The following CHKA variants were observed in gnomAD, a reference collection of about 807,000 sequenced individuals.
CHKA encodes the protein choline kinase alpha.
In CHKA, 34 loss-of-function variants were observed where a neutral mutation model predicts 60.1. That is an observed-to-expected ratio of 0.57 (90% CI 0.43 to 0.75). The LOEUF (loss-of-function observed/expected upper bound fraction) is 0.75. Ranked by LOEUF, CHKA falls within the 30% of genes least tolerant of loss-of-function variation. The probability of loss-of-function intolerance (pLI) is 0.00; values close to 1 mark genes in which losing one functional copy is unlikely to be tolerated. For synonymous variants in CHKA, 217 were observed against 223.1 expected, an observed-to-expected ratio of 0.97 and a Z score of 0.24; for missense variants, 563 against 561.3, an observed-to-expected ratio of 1.00 and a Z score of -0.03.
intron 2 of CHKA, among the ~76,000 whole-genome samples, chr11:68,084,380 GTA>G (rs1177501088): frequency 2.6e-5 from 3 of 113,442 alleles, no homozygotes; most frequent in African/African-American, 6.6e-5. Flanking sequence ...ACGTATATGT[GTA>G]TATATATACA....
chr11:68,116,095 G>T (rs958815995), intron 1 of CHKA, among the ~76,000 whole-genome samples: 9 of 152,140 alleles, frequency 5.9e-5, no homozygotes, highest in Admixed American at 3.9e-4. Context: ...AGGGCCCAAG[G>T]TAGCATCCTC....
At chr11:68,077,575 C>T (rs181623012) in intron 3 of CHKA, among the ~76,000 whole-genome samples, 1 of 152,334 alleles carries the variant, frequency 6.6e-6, no homozygotes, top group African/African-American at 2.4e-5. Flanking sequence ...CTAAAACACA[C>T]TTACTCAATG....
rs1187788132 is a variant in CHKA at position 68,084,801 on chromosome 11, A to C, written c.463-3344T>G. Among the ~76,000 whole-genome samples the C allele has an allele frequency of 3.3e-5, 5 of 152,110 alleles. No homozygotes were observed. The South Asian group carries it at 6.2e-4, about 19-fold the overall frequency. ...ACCCTGGTGGAGTAAATGAGGGAAA[A>C]GATGGAAGAAGACTGGCTGTGAGGG... On this transcript the variant is annotated intron_variant, in intron 2 of 11. Coordinates refer to ENST00000265689, the MANE Select transcript of CHKA (RefSeq NM_001277.3).
intron 4 of CHKA, among the ~76,000 whole-genome samples, chr11:68,072,374 G>A (rs201170524): frequency 6.6e-6 from 1 of 151,676 alleles, no homozygotes; most frequent in African/African-American, 2.4e-5. Context: ...GGGAGACCCC[G>A]TCTCTACAAA....
In CHKA at chr11:68,120,954, G is replaced by A. The variant is rs769093407; in HGVS notation, c.224C>T (p.Pro75Leu). 5.2e-6 allele frequency: 6 copies of A among 1,163,464 alleles called. No individual in the cohort carries two copies. The Admixed American group carries it at 1.9e-4, about 38-fold the overall frequency. The allele number at this position is 1,163,464 out of a possible 1,614,324, so 72.1% of individuals were successfully genotyped here. ...CGGCTGCTCGTCTGCGGGCGGCTGCGGCGGCGGGGGCTGGGGCAGCGGCAG... is the reference window on the plus strand; with the variant it reads ...CGGCTGCTCGTCTGCGGGCGGCTGCAGCGGCGGGGGCTGGGGCAGCGGCAG... ...LPLPLPQPPPPQPPADEQPEP... is the reference protein window; with the variant it reads ...LPLPLPQPPPLQPPADEQPEP... Residue 75 changes from proline to leucine, a missense_variant, in exon 1 of 12, where the codon CCG becomes CTG. Transcript: ENST00000265689.
Position 68,086,689 on chromosome 11 carries a change from T to C in CHKA, c.463-5232A>G, listed in dbSNP as rs553886072. ...AGTGTCATTAAGTCACATATAGTTA[T>C]CATTTAAATGTCATTTGGCTGGGCG... is the stretch of plus-strand genomic sequence containing the variant. On this transcript the variant is annotated intron_variant, in intron 2 of 11. Coordinates refer to ENST00000265689, the MANE Select transcript of CHKA (RefSeq NM_001277.3). Among the ~76,000 whole-genome samples the C allele has an allele frequency of 2.8e-3, 433 of 152,298 alleles. 3 individuals are homozygous for C. The highest frequency in any genetic ancestry group is 5.2e-3 in the Non-Finnish European group (357 of 68,010).
Position 68,053,645 on chromosome 11 carries a change from G to T in CHKA, c.*343C>A. The T allele has an allele frequency of 4.0e-6, 1 of 251,116 alleles. No homozygotes were observed. The highest frequency in any genetic ancestry group is 7.7e-6 in the Non-Finnish European group (1 of 129,054). 15.6% of individuals were successfully genotyped at this position (251,116 alleles called of 1,614,324 possible). ...TAAATCAACATTAACCAAAGTACCT[G>T]CAAGTAACACTGCTTACTCTTGCTG... On this transcript the variant is annotated 3_prime_UTR_variant, in exon 12 of 12. Coordinates refer to ENST00000265689, the MANE Select transcript of CHKA (RefSeq NM_001277.3).
At chr11:68,087,219 T>C (rs764830129) in intron 2 of CHKA, among the ~76,000 whole-genome samples, 13 of 152,130 alleles carry the variant, frequency 8.5e-5, no homozygotes, top group East Asian at 5.8e-4. Context: ...GTGGCTCACA[T>C]TGGTAACCTT....
chr11:68,119,016 C>A (rs1161554138), intron 1 of CHKA, among the ~76,000 whole-genome samples: 1 of 152,184 alleles, frequency 6.6e-6, no homozygotes, highest in Non-Finnish European at 1.5e-5. Flanking sequence ...TGACCTCAGG[C>A]AAGTCACTTC....
chr11:68,071,609 T>C (rs1026299912), intron 4 of CHKA, among the ~76,000 whole-genome samples: 1 of 152,178 alleles, frequency 6.6e-6, no homozygotes, highest in African/African-American at 2.4e-5. Context: ...TCTGTGAAAA[T>C]GCAAAGAAGT....
intron 2 of CHKA, 139 bp from the exon 3 acceptor site, chr11:68,081,596 G>A (rs547893040): frequency 1.6e-5 from 10 of 637,596 alleles, no homozygotes; most frequent in South Asian, 7.3e-5. Flanking sequence ...CCGATGTGAC[G>A]GGCAGCATCT....
chr11:68,095,277 C>A (rs1464932878), intron 2 of CHKA, among the ~76,000 whole-genome samples: 1 of 151,034 alleles, frequency 6.6e-6, no homozygotes, highest in African/African-American at 2.4e-5. Context: ...GTGGCGGACA[C>A]CTGTAGTCCC....
At chr11:68,088,229 A>G (rs964824210) in intron 2 of CHKA, among the ~76,000 whole-genome samples, 21 of 151,498 alleles carry the variant, frequency 1.4e-4, no homozygotes, top group African/African-American at 4.6e-4. Flanking sequence ...CTAATCTGGT[A>G]TTATCTTCCT....
At chr11:68,118,792 C>CA (rs1858492574) in intron 1 of CHKA, among the ~76,000 whole-genome samples, 1 of 152,340 alleles carries the variant, frequency 6.6e-6, no homozygotes, top group South Asian at 2.1e-4. Flanking sequence ...AGAAAAGAAA[C>CA]AAGACATCCT....
intron 4 of CHKA, among the ~76,000 whole-genome samples, chr11:68,074,349 C>T (rs1374609897): frequency 6.6e-6 from 1 of 152,208 alleles, no homozygotes; most frequent in African/African-American, 2.4e-5. Context: ...ATGGCCCCCA[C>T]AGGGCTACAG....
intron 2 of CHKA, among the ~76,000 whole-genome samples, chr11:68,086,997 AT>A (rs1287193134): frequency 7.1e-6 from 1 of 141,416 alleles, no homozygotes; most frequent in East Asian, 2.1e-4. Flanking sequence ...AAAAAAAAAA[AT>A]GTCATTTAAA....
intron 1 of CHKA, 150 bp downstream of exon 1, chr11:68,120,678 C>T (rs983501453): frequency 6.6e-5 from 18 of 273,462 alleles, no homozygotes; most frequent in Admixed American, 1.7e-4. Flanking sequence ...GGGCTTTCGC[C>T]GGCTGCGGTC....
intron 3 of CHKA, 117 bp downstream of exon 3, chr11:68,081,283 TAGAA>T: frequency 1.4e-6 from 1 of 735,734 alleles, no homozygotes; most frequent in Admixed American, 2.4e-5. Context: ...CCCCTCCTCG[TAGAA>T]AGATAGATCA....
chr11:68,102,476 T>C (rs1857762052), intron 1 of CHKA, among the ~76,000 whole-genome samples: 1 of 152,212 alleles, frequency 6.6e-6, no homozygotes, highest in Non-Finnish European at 1.5e-5. Context: ...CAATAAACAG[T>C]GTTGGGAAAA....
Sources: gnomAD v4.1 joint callset for allele counts (sites outside exome capture counted in the v4.1 genomes callset) on GRCh38, gnomAD v4.1.1 for gene constraint, MANE v1.5 for transcripts, NCBI Gene and HGNC (gene_info 2026-07-23, HGNC 2026-07-21) for gene names.